The following ZNF133 variants were observed in gnomAD, a reference collection of about 807,000 sequenced individuals.
ZNF133 encodes the protein zinc finger protein 133 (clone pHZ-13).
ZNF133 carries 26 observed loss-of-function variants against 54.9 expected under a neutral mutation model. That is an observed-to-expected ratio of 0.47 (90% CI 0.35 to 0.66). The LOEUF is 0.66. Among genes scored for constraint, ZNF133 ranks in the 30% least tolerant of loss-of-function variants. ZNF133 has a pLI of 0.01. For synonymous variants in ZNF133, 298 were observed against 320.3 expected (o/e 0.93, Z 0.74); for missense variants, 653 against 820.8 (o/e 0.80, Z 2.50).
intron 1 of ZNF133, among the ~76,000 whole-genome samples, chr20:18,294,657 G>A (rs896910276): frequency 6.6e-6 from 1 of 152,110 alleles, no homozygotes; most frequent in Admixed American, 6.5e-5. Flanking sequence ...ATATTCTTGA[G>A]TTTTTGTTTT....
In ZNF133 at chr20:18,315,497, T is replaced by G; in HGVS notation, c.646T>G (p.Cys216Gly). The change falls in exon 7 of 7, where the codon TGT becomes GGT. Residue 216 changes from cysteine to glycine, a missense_variant. This residue lies in a region of ZNF133 where 292 missense variants were observed against 431.6 expected (regional missense o/e 0.68). Transcript: ENST00000425686. ...AGTCTTAGGATTTGGAACAGTCAAC[T>G]GTGGAGAGTGTGGACTGAGCTTCAG... ...IEVLGFGTVN[C>G]GECGLSFSKM... 1 of 1,614,158 alleles carries G rather than the reference T, an allele frequency of 6.2e-7. No homozygotes were observed. Among genetic ancestry groups the G allele is most frequent in the Non-Finnish European group, 8.5e-7 (1 of 1,180,022 alleles).
intron 6 of ZNF133, among the ~76,000 whole-genome samples, chr20:18,310,008 C>T (rs946730301): frequency 3.3e-5 from 5 of 152,206 alleles, no homozygotes; most frequent in African/African-American, 9.7e-5. Context: ...AAATGCTATA[C>T]ACCCTGACCT....
chr20:18,305,381 G>C lies in ZNF133; in HGVS notation c.-7+203G>C, dbSNP rs191669133. The stretch of plus-strand genomic sequence containing the variant: ...GGAAAATCTGTTATCCTTTATTGTT[G>C]CTTACATTTTATATGTTGCTTGCTC... On this transcript the variant is annotated intron_variant, in intron 4 of 6. Transcript: ENST00000425686. This position sits in a 1 kb window ranked among gnomAD's most constrained non-coding sequence, Gnocchi z 4.7. Among the ~76,000 whole-genome samples the C allele has an allele frequency of 5.4e-4, 82 of 152,178 alleles. No homozygotes were observed. Among genetic ancestry groups the C allele is most frequent in the Non-Finnish European group, 9.3e-4 (63 of 68,008 alleles).
At chr20:18,294,135 A>G (rs2041728373) in intron 1 of ZNF133, among the ~76,000 whole-genome samples, 1 of 152,234 alleles carries the variant, frequency 6.6e-6, no homozygotes, top group Non-Finnish European at 1.5e-5. Context: ...CCCCTTAACC[A>G]AGTGATCAAG....
At chr20:18,294,881 G>A (rs978186041) in intron 1 of ZNF133, among the ~76,000 whole-genome samples, 10 of 152,008 alleles carry the variant, frequency 6.6e-5, no homozygotes, top group African/African-American at 1.2e-4. Context: ...ATTTTAATTC[G>A]AATTTTGCTT....
At position 18,316,616 on chromosome 20, in the gene ZNF133, C is replaced by A; in HGVS notation, c.1765C>A (p.Gln589Lys). Residue 589 changes from glutamine to lysine, a missense_variant, in exon 7 of 7, where the codon CAA (glutamine) becomes AAA (lysine). Physicochemically the swap from Gln to Lys is moderately conservative, Grantham distance 53 (BLOSUM62 1). This residue lies in a region of ZNF133 where 129 missense variants were observed against 138.5 expected (regional missense o/e 0.93). Transcript: ENST00000425686. ...VCRECGQGFL[Q>K]KSHLTLHQMT... ...CAGAGAGTGTGGCCAAGGCTTTCTCCAAAAGTCACACCTCACCTTACATCA... is the reference window on the plus strand; with the variant it reads ...CAGAGAGTGTGGCCAAGGCTTTCTCAAAAAGTCACACCTCACCTTACATCA... 6.2e-7 allele frequency: 1 copy of A among 1,614,000 alleles called. No homozygotes were observed.
intron 1 of ZNF133, among the ~76,000 whole-genome samples, chr20:18,290,937 G>A (rs2040830174): frequency 6.6e-6 from 1 of 152,112 alleles, no homozygotes; most frequent in African/African-American, 2.4e-5. Context: ...GACCAGCCTG[G>A]CCAACATGGT....
At chr20:18,310,449 C>T in intron 6 of ZNF133, 1 of 942,818 alleles carries the variant, frequency 1.1e-6, no homozygotes, top group East Asian at 3.0e-5. Flanking sequence ...AATGCTAATT[C>T]AATAAATGTA....
At chr20:18,300,611 T>A (rs2043172598) in intron 3 of ZNF133, among the ~76,000 whole-genome samples, 1 of 152,150 alleles carries the variant, frequency 6.6e-6, no homozygotes, top group South Asian at 2.1e-4. Flanking sequence ...ACAAATAGTT[T>A]CAGAAGAATG....
intron 6 of ZNF133, chr20:18,310,353 G>T: frequency 6.6e-7 from 1 of 1,506,736 alleles, no homozygotes; most frequent in South Asian, 1.3e-5. Flanking sequence ...TTTGGGACTT[G>T]GATTTAAGAC....
intron 6 of ZNF133, 190 bp from the exon 7 acceptor site, chr20:18,314,879 A>G (rs1697205342): frequency 3.7e-6 from 2 of 534,576 alleles, no homozygotes; most frequent in Non-Finnish European, 6.3e-6. Flanking sequence ...GGTCTTAACA[A>G]GTGGGTTTTC....
chr20:18,316,848 G>GA lies in ZNF133; in HGVS notation c.*34dup. On this transcript the variant is annotated 3_prime_UTR_variant, in exon 7 of 7. Transcript: ENST00000425686. ...AGATGGGGACAAGGACTAAGAGTCAGAATGTTGACACTTTGATGAAATGGA... is the reference window on the plus strand; with the variant it reads ...AGATGGGGACAAGGACTAAGAGTCAGAAATGTTGACACTTTGATGAAATGGA... The GA allele has an allele frequency of 6.4e-7, 1 of 1,556,094 alleles. No homozygotes were observed. Among genetic ancestry groups the GA allele is most frequent in the Non-Finnish European group, 8.7e-7 (1 of 1,151,216 alleles).
intron 1 of ZNF133, among the ~76,000 whole-genome samples, chr20:18,294,366 G>T (rs2041782861): frequency 6.6e-6 from 1 of 152,192 alleles, no homozygotes; most frequent in African/African-American, 2.4e-5. Context: ...ATTGGAGGAG[G>T]TTAAAGATCC....
intron 6 of ZNF133, among the ~76,000 whole-genome samples, chr20:18,311,722 A>G (rs1305765461): frequency 6.6e-6 from 1 of 152,204 alleles, no homozygotes; most frequent in East Asian, 1.9e-4. Context: ...ATTTCCTAAC[A>G]GAGATCTTAG....
At chr20:18,304,731 G>A (rs2044220025) in intron 3 of ZNF133, among the ~76,000 whole-genome samples, 1 of 152,192 alleles carries the variant, frequency 6.6e-6, no homozygotes, top group African/African-American at 2.4e-5. Flanking sequence ...TCTAGCGGGA[G>A]GAAAGAATGG....
chr20:18,305,588 C>T lies in ZNF133; in HGVS notation c.-6-93C>T. ...GGGTCACTGGGATCTTGATATCTCA[C>T]CTGCCTCCCCCAGGGCAGCCTTATC... On this transcript the variant is annotated intron_variant, in intron 4 of 6. Transcript: ENST00000425686. The surrounding 1 kb of genome is among the most constrained non-coding windows in gnomAD (Gnocchi z 4.7). The T allele has an allele frequency of 6.3e-7, 1 of 1,580,764 alleles. No individual in the cohort carries two copies.
chr20:18,306,664 A>G (rs1476026689), intron 6 of ZNF133: 7 of 1,278,766 alleles, frequency 5.5e-6, no homozygotes, highest in Non-Finnish European at 7.3e-6. Context: ...GTTCTCTTTC[A>G]TATATATGGG....
intron 3 of ZNF133, among the ~76,000 whole-genome samples, chr20:18,303,547 A>G (rs756179489): frequency 2.0e-5 from 3 of 152,212 alleles, no homozygotes; most frequent in Non-Finnish European, 4.4e-5. Flanking sequence ...TTCAGAATTT[A>G]CTACAAAGCA....
At chr20:18,307,087 T>A (rs2044807319) in intron 6 of ZNF133, among the ~76,000 whole-genome samples, 1 of 152,150 alleles carries the variant, frequency 6.6e-6, no homozygotes, top group African/African-American at 2.4e-5. Context: ...ACTATAATTG[T>A]CATTTGTATT....
Sources: allele counts gnomAD v4.1 joint callset (sites outside exome capture counted in the v4.1 genomes callset), GRCh38; gene constraint gnomAD v4.1.1; regional missense constraint gnomAD v4.1.1; non-coding constraint Gnocchi (gnomAD v3.1); transcripts MANE v1.5; gene names NCBI Gene and HGNC (gene_info 2026-07-23, HGNC 2026-07-21).